Variants in CYP19A1 observed in about 807,000 individuals in gnomAD.
CYP19A1 encodes the protein aromatase.
CYP19A1 carries 32 observed loss-of-function variants against 44.4 expected under a neutral mutation model. The observed-to-expected ratio is 0.72, with a 90% CI of 0.54 to 0.97. The LOEUF (loss-of-function observed/expected upper bound fraction) is 0.97. CYP19A1 is among the 50% of genes least tolerant of loss of function. The pLI, the probability that CYP19A1 is intolerant of heterozygous loss-of-function variation, is 0.00. For synonymous variants in CYP19A1, 212 were observed against 215.6 expected (o/e 0.98, Z 0.14); for missense variants, 598 against 637.8 (o/e 0.94, Z 0.67).
intron 5 of CYP19A1, among the ~76,000 whole-genome samples, chr15:51,219,765 C>A (rs1399738983): frequency 6.6e-6 from 1 of 152,184 alleles, no homozygotes; most frequent in Admixed American, 6.5e-5. Context: ...ATTTACAAAT[C>A]CTTTTATATG....
intron 8 of CYP19A1, among the ~76,000 whole-genome samples, chr15:51,213,460 T>C (rs534595323): frequency 6.6e-6 from 1 of 152,178 alleles, no homozygotes; most frequent in African/African-American, 2.4e-5. Flanking sequence ...TTGGTCAGAG[T>C]CTTCTCATGG....
At chr15:51,216,700 T>G (rs2031615963) in intron 6 of CYP19A1, among the ~76,000 whole-genome samples, 1 of 152,196 alleles carries the variant, frequency 6.6e-6, no homozygotes, top group Non-Finnish European at 1.5e-5. Flanking sequence ...CACTAATATG[T>G]GTTGAATGAA....
chr15:51,317,391 G>A (rs1405002112), intron 1 of CYP19A1, among the ~76,000 whole-genome samples: 1 of 152,200 alleles, frequency 6.6e-6, no homozygotes, highest in African/African-American at 2.4e-5. Flanking sequence ...TTACAGGCGT[G>A]AGCCACTGCG....
At chr15:51,304,447 C>CA (rs2036174019) in intron 1 of CYP19A1, among the ~76,000 whole-genome samples, 1 of 152,194 alleles carries the variant, frequency 6.6e-6, no homozygotes, top group African/African-American at 2.4e-5. Context: ...GGAAGGGAGC[C>CA]AGCAATGCTT....
At chr15:51,315,562 C>A (rs1459109225) in intron 1 of CYP19A1, among the ~76,000 whole-genome samples, 1 of 152,204 alleles carries the variant, frequency 6.6e-6, no homozygotes, top group African/African-American at 2.4e-5. Flanking sequence ...TTATATGGTT[C>A]TTGCTCTAAA....
chr15:51,325,322 G>A (rs959838184), intron 1 of CYP19A1, among the ~76,000 whole-genome samples: 3 of 152,118 alleles, frequency 2.0e-5, no homozygotes, highest in Non-Finnish European at 4.4e-5. Flanking sequence ...GGAGTGGTGA[G>A]GACTGAGGAG....
chr15:51,233,952 G>A (rs1323286202), intron 3 of CYP19A1, among the ~76,000 whole-genome samples: 1 of 152,174 alleles, frequency 6.6e-6, no homozygotes, highest in Non-Finnish European at 1.5e-5. Flanking sequence ...CATCTCAGCA[G>A]CGCACATGCC....
Position 51,222,491 on chromosome 15 carries a change from T to C in CYP19A1, c.486A>G (p.Thr162=). The change falls in exon 5 of 10, where the codon ACA becomes ACG. Residue 162 remains threonine, a synonymous_variant. Coordinates refer to ENST00000396402, the MANE Select transcript of CYP19A1 (RefSeq NM_000103.4). ...GTGTTTTGAGGGATTCAGCACAGAC[T>C]GTGACCATACGAACAAGGCCGGGGC... The part of the protein sequence containing the change: ...LSGPGLVRMV[T]VCAESLKTHL... 1 of 1,614,062 alleles carries C rather than the reference T, an allele frequency of 6.2e-7. No homozygotes were observed. The highest frequency in any genetic ancestry group is 8.5e-7 in the Non-Finnish European group (1 of 1,179,942).
At chr15:51,322,876 A>G (rs1387428790) in intron 1 of CYP19A1, among the ~76,000 whole-genome samples, 1 of 152,226 alleles carries the variant, frequency 6.6e-6, no homozygotes, top group Non-Finnish European at 1.5e-5. Flanking sequence ...TTAGGAAACA[A>G]TGCAGTTGCT....
chr15:51,223,630 C>CAG (rs1566877345), intron 4 of CYP19A1, among the ~76,000 whole-genome samples: 16 of 151,450 alleles, frequency 1.1e-4, no homozygotes, highest in African/African-American at 3.6e-4. Context: ...CACACACACA[C>CAG]ACACACTGGG....
At chr15:51,267,396 A>G (rs1226437779) in intron 1 of CYP19A1, among the ~76,000 whole-genome samples, 1 of 151,944 alleles carries the variant, frequency 6.6e-6, no homozygotes, top group Non-Finnish European at 1.5e-5. Context: ...CTTTCTGTCC[A>G]CCTGTCTCGG....
At chr15:51,337,050 A>C (rs2141035276) in intron 1 of CYP19A1, among the ~76,000 whole-genome samples, 1 of 152,236 alleles carries the variant, frequency 6.6e-6, no homozygotes, top group Middle Eastern at 3.4e-3. Context: ...CATATAACCA[A>C]CCTCAAAGCC....
intron 1 of CYP19A1, among the ~76,000 whole-genome samples, chr15:51,310,795 G>A (rs1014536899): frequency 3.3e-5 from 5 of 152,124 alleles, no homozygotes; most frequent in African/African-American, 7.2e-5. Flanking sequence ...GTCCTTTTCC[G>A]GCAAGACGGA....
intron 1 of CYP19A1, among the ~76,000 whole-genome samples, chr15:51,269,868 G>T (rs1162001050): frequency 6.6e-6 from 1 of 152,042 alleles, no homozygotes; most frequent in Non-Finnish European, 1.5e-5. Flanking sequence ...AAGCTTTTTG[G>T]CCTACTCCCG....
chr15:51,228,334 C>T (rs944320018), intron 3 of CYP19A1, among the ~76,000 whole-genome samples: 4 of 152,234 alleles, frequency 2.6e-5, no homozygotes, highest in Admixed American at 1.3e-4. Context: ...AGCCTCACTC[C>T]ACAAAGTGCC....
Position 51,236,997 on chromosome 15 carries a change from C to G in CYP19A1, c.158G>C (p.Cys53Ser). 6 of 1,614,150 alleles carry G rather than the reference C, an allele frequency of 3.7e-6. No individual in the cohort carries two copies. The highest frequency in any genetic ancestry group is 5.1e-6 in the Non-Finnish European group (6 of 1,180,008). Reference protein sequence around the residue: ...GTSSIPGPGYCMGIGPLISHG... With the variant: ...GTSSIPGPGYSMGIGPLISHG... The stretch of plus-strand genomic sequence containing the variant: ...GGAGATGAGGGGTCCAATTCCCATG[C>G]AGTAGCCAGGACCTAGGACAGGTGT... The change falls in exon 3 of 10, where the codon TGC (cysteine) becomes TCC (serine). Residue 53 changes from cysteine to serine, a missense_variant. Transcript: ENST00000396402.
chr15:51,212,730 C>T (rs2031151186), intron 8 of CYP19A1, among the ~76,000 whole-genome samples, 169 bp from the exon 9 acceptor site: 1 of 152,080 alleles, frequency 6.6e-6, no homozygotes, highest in Non-Finnish European at 1.5e-5. Flanking sequence ...ATGCTTGGGC[C>T]ACAGAGTGTT....
chr15:51,244,465 G>T (rs2033958490), intron 1 of CYP19A1, among the ~76,000 whole-genome samples: 1 of 147,524 alleles, frequency 6.8e-6, no homozygotes. Context: ...TTTTGTGGTT[G>T]TTTTTTTTTT....
chr15:51,307,504 A>G (rs188200137), intron 1 of CYP19A1, among the ~76,000 whole-genome samples: 1 of 152,294 alleles, frequency 6.6e-6, no homozygotes, highest in Admixed American at 6.5e-5. Context: ...CAGAGATTTA[A>G]AAAATTAGTC....
Sources: gnomAD v4.1 joint callset for allele counts (sites outside exome capture counted in the v4.1 genomes callset) on GRCh38, gnomAD v4.1.1 for gene constraint, MANE v1.5 for transcripts, NCBI Gene and HGNC (gene_info 2026-07-23, HGNC 2026-07-21) for gene names.